DLG2: variants seen among roughly 807,000 people sequenced by gnomAD.
The protein encoded by DLG2 is discs large MAGUK scaffold protein 2.
DLG2 carries 45 observed loss-of-function variants against 132.5 expected under a neutral mutation model. That is an observed-to-expected ratio of 0.34 (90% CI 0.27 to 0.44). DLG2 has a LOEUF of 0.44. Among genes scored for constraint, DLG2 ranks in the 20% least tolerant of loss-of-function variants. The pLI, the probability that DLG2 is intolerant of heterozygous loss-of-function variation, is 1.00. For missense variants in DLG2, 1,045 were observed against 1,196.9 expected (o/e 0.87, Z 1.87); for synonymous variants, 424 against 419.6 (o/e 1.01, Z -0.13).
chr11:85,033,550 A>G (rs980189361), intron 6 of DLG2, among the ~76,000 whole-genome samples: 1 of 152,160 alleles, frequency 6.6e-6, no homozygotes, highest in African/African-American at 2.4e-5. Context: ...TATTGCTTGT[A>G]TTTTTGTGCT....
intron 11 of DLG2, among the ~76,000 whole-genome samples, chr11:84,045,313 A>G (rs2096216693): frequency 1.3e-5 from 2 of 151,676 alleles, no homozygotes; most frequent in Non-Finnish European, 3.0e-5. Flanking sequence ...TAATTGATAG[A>G]TGAGGAAAGG....
chr11:84,535,213 AG>A (rs2099352474), intron 6 of DLG2, among the ~76,000 whole-genome samples: 1 of 152,224 alleles, frequency 6.6e-6, no homozygotes, highest in African/African-American at 2.4e-5. Context: ...TTTTGAAATG[AG>A]GAAAAAATTT....
chr11:84,551,028 G>T (rs975198534), intron 6 of DLG2, among the ~76,000 whole-genome samples: 2 of 152,100 alleles, frequency 1.3e-5, no homozygotes, highest in African/African-American at 2.4e-5. Flanking sequence ...AAATGGGCTT[G>T]ATCTATCCAG....
At chr11:84,984,214 A>G (rs2056165846) in intron 6 of DLG2, among the ~76,000 whole-genome samples, 1 of 152,214 alleles carries the variant, frequency 6.6e-6, no homozygotes, top group Non-Finnish European at 1.5e-5. Flanking sequence ...CCATCAGGTT[A>G]TCTAAAGTTA....
At chr11:85,386,556 C>T (rs563177253) in intron 3 of DLG2, among the ~76,000 whole-genome samples, 1 of 151,864 alleles carries the variant, frequency 6.6e-6, no homozygotes, top group Non-Finnish European at 1.5e-5. Context: ...ATGTAAAGTA[C>T]AGTTCCTTGC....
rs147798992 is a variant in DLG2, at chr11:83,990,089, C to T, written c.920-9447G>A. ...TTGGGCTATTAAGAATAAGACTAAACATTACTGCATGTGGGTCATAAACAA... is the reference window on the plus strand; with the variant it reads ...TTGGGCTATTAAGAATAAGACTAAATATTACTGCATGTGGGTCATAAACAA... On this transcript the variant is annotated intron_variant, in intron 11 of 27. Transcript: ENST00000376104. Among the ~76,000 whole-genome samples the T allele has an allele frequency of 4.6e-5, 7 of 152,204 alleles. No homozygotes were observed. In the East Asian group the frequency reaches 1.4e-3, roughly 29 times the overall value.
chr11:85,569,753 C>A (rs1350239347), intron 3 of DLG2, among the ~76,000 whole-genome samples: 2 of 152,120 alleles, frequency 1.3e-5, no homozygotes, highest in Non-Finnish European at 2.9e-5. Context: ...AAAGGGGAAG[C>A]TTATATGCTG....
At chr11:85,426,781 G>A (rs930093798) in intron 3 of DLG2, among the ~76,000 whole-genome samples, 6 of 152,226 alleles carry the variant, frequency 3.9e-5, no homozygotes. Context: ...AATGGAGAAT[G>A]ACTTCAATGA....
chr11:84,893,993 C>T (rs2089832017), intron 6 of DLG2, among the ~76,000 whole-genome samples: 1 of 152,038 alleles, frequency 6.6e-6, no homozygotes, highest in African/African-American at 2.4e-5. Flanking sequence ...CAGAAGTGTT[C>T]AGAATTTTAT....
chr11:84,574,200 T>C (rs1050973894), intron 6 of DLG2, among the ~76,000 whole-genome samples: 1 of 152,152 alleles, frequency 6.6e-6, no homozygotes. Context: ...AAAAGGCAGA[T>C]ATCATTCCCA....
At chr11:84,594,422 C>G (rs1234427613) in intron 6 of DLG2, among the ~76,000 whole-genome samples, 2 of 152,034 alleles carry the variant, frequency 1.3e-5, no homozygotes, top group Non-Finnish European at 2.9e-5. Context: ...ATTTGGAATG[C>G]CAACAAAAGC....
At chr11:85,293,126 A>T (rs969286438) in intron 3 of DLG2, among the ~76,000 whole-genome samples, 2 of 152,188 alleles carry the variant, frequency 1.3e-5, no homozygotes, top group Non-Finnish European at 2.9e-5. Context: ...GGGAGAAGGG[A>T]AAGTTCTTCC....
At chr11:84,990,663 C>A (rs1592302910) in intron 6 of DLG2, among the ~76,000 whole-genome samples, 1 of 119,954 alleles carries the variant, frequency 8.3e-6, no homozygotes, top group East Asian at 3.2e-4. Flanking sequence ...GATACCACCA[C>A]ATACCTATTA....
intron 3 of DLG2, among the ~76,000 whole-genome samples, chr11:85,364,118 G>T (rs1162616903): frequency 6.6e-6 from 1 of 152,086 alleles, no homozygotes; most frequent in African/African-American, 2.4e-5. Flanking sequence ...AAGCACCTTG[G>T]CTGAGGTCCA....
chr11:84,982,221 TCAAA>T (rs71036454), intron 6 of DLG2, among the ~76,000 whole-genome samples: 55,795 of 151,564 alleles, frequency 0.37, 10,497 homozygotes, highest in East Asian at 0.61. Flanking sequence ...TCAAATTACT[TCAAA>T]CATAGTCCCC....
At chr11:84,213,646 T>C (rs2096787729) in intron 8 of DLG2, among the ~76,000 whole-genome samples, 1 of 151,808 alleles carries the variant, frequency 6.6e-6, no homozygotes, top group Non-Finnish European at 1.5e-5. Context: ...GGTCAAACCC[T>C]GTCTCTACTA....
At chr11:84,811,835 G>C (rs1421554446) in intron 6 of DLG2, among the ~76,000 whole-genome samples, 3 of 152,160 alleles carry the variant, frequency 2.0e-5, no homozygotes, top group Non-Finnish European at 4.4e-5. Flanking sequence ...GAATCTATTA[G>C]AGAGGCAGAT....
chr11:84,078,939 C>T (rs1279710765), intron 10 of DLG2, among the ~76,000 whole-genome samples: 2 of 152,062 alleles, frequency 1.3e-5, no homozygotes, highest in Non-Finnish European at 2.9e-5. Flanking sequence ...TGGAACTATT[C>T]AACATATTTT....
chr11:84,861,216 C>A (rs1443962903), intron 6 of DLG2, among the ~76,000 whole-genome samples: 2 of 152,032 alleles, frequency 1.3e-5, no homozygotes, highest in Middle Eastern at 3.4e-3. Flanking sequence ...AACTGGCTTC[C>A]TAAAGGAGAT....
Sources: gnomAD v4.1 joint callset for allele counts (sites outside exome capture counted in the v4.1 genomes callset) on GRCh38, gnomAD v4.1.1 for gene constraint, MANE v1.5 for transcripts, NCBI Gene and HGNC (gene_info 2026-07-23, HGNC 2026-07-21) for gene names.